Variants in LUZP2 observed in about 807,000 individuals in gnomAD.
LUZP2 encodes the protein leucine zipper protein 2.
LUZP2 carries 52 observed loss-of-function variants against 51.6 expected under a neutral mutation model. The ratio of observed to expected loss-of-function variants is 1.01; its 90% CI spans 0.81 to 1.27. The LOEUF is 1.27. Among genes scored for constraint, LUZP2 ranks in the 50% most tolerant of loss-of-function variants. LUZP2 has a pLI of 0.00. For synonymous variants in LUZP2, 154 were observed against 137.3 expected (o/e 1.12, Z -0.85); for missense variants, 436 against 395.4 (o/e 1.10, Z -0.87).
chr11:24,891,343 TACTG>T lies in LUZP2; in HGVS notation c.397-14645_397-14642del, dbSNP rs912664660. ...TCACAAACATATGGAGATATATACA[TACTG>T]ACATGTACATATACACATACACATA... is the stretch of plus-strand genomic sequence containing the variant. On this transcript the variant is annotated intron_variant, in intron 5 of 11. Transcript: ENST00000336930. 4.4e-6 allele frequency: 4 copies of T among 913,158 alleles called. No homozygotes were observed. In the African/African-American group the frequency reaches 7.2e-5, roughly 16 times the overall value. The allele number at this position is 913,158 out of a possible 1,614,324, so 56.6% of individuals were successfully genotyped here. A position where few individuals can be genotyped will look rare whatever the true frequency, so the allele number is the denominator to read the frequency against.
chr11:24,738,200 C>T (rs2133983236), intron 3 of LUZP2, 21 bp from the exon 4 acceptor site: 1 of 1,489,324 alleles, frequency 6.7e-7, no homozygotes, highest in Non-Finnish European at 9.3e-7. Flanking sequence ...CTCACTTATG[C>T]TCTGTTTTCT....
intron 1 of LUZP2, among the ~76,000 whole-genome samples, chr11:24,541,039 G>A (rs1851344360): frequency 1.3e-5 from 2 of 152,012 alleles, no homozygotes; most frequent in African/African-American, 4.8e-5. Context: ...GATCACCTGA[G>A]GCCAGGAGTT....
chr11:24,574,097 C>T (rs1003832096), intron 1 of LUZP2, among the ~76,000 whole-genome samples: 1 of 151,048 alleles, frequency 6.6e-6, no homozygotes, highest in Non-Finnish European at 1.5e-5. Flanking sequence ...TCCTTCCTCC[C>T]TCCTTTGTTT....
chr11:24,715,070 T>G (rs2631439), intron 1 of LUZP2, among the ~76,000 whole-genome samples: 1 of 152,004 alleles, frequency 6.6e-6, no homozygotes, highest in African/African-American at 2.4e-5. Flanking sequence ...TAACTGACAT[T>G]TACTTACCTC....
intron 1 of LUZP2, among the ~76,000 whole-genome samples, chr11:24,592,618 C>A (rs1023980583): frequency 6.6e-6 from 1 of 151,838 alleles, no homozygotes; most frequent in African/African-American, 2.4e-5. Context: ...GAATGCTGAA[C>A]CCTAATGTGA....
At chr11:24,952,290 AT>A (rs1274274394) in intron 7 of LUZP2, among the ~76,000 whole-genome samples, 1 of 151,700 alleles carries the variant, frequency 6.6e-6, no homozygotes, top group Admixed American at 6.6e-5. Context: ...TTCAATTAAC[AT>A]TTTTTAGAGA....
intron 1 of LUZP2, among the ~76,000 whole-genome samples, chr11:24,696,166 T>G (rs1271339558): frequency 6.6e-6 from 1 of 152,068 alleles, no homozygotes; most frequent in Non-Finnish European, 1.5e-5. Flanking sequence ...GCCAGTGTCT[T>G]GCCAGATATG....
At chr11:25,058,161 A>AT (rs963064182) in intron 10 of LUZP2, among the ~76,000 whole-genome samples, 8 of 151,970 alleles carry the variant, frequency 5.3e-5, no homozygotes, top group African/African-American at 1.9e-4. Context: ...CTACTGTGGT[A>AT]TTTTTTTCAA....
intron 9 of LUZP2, among the ~76,000 whole-genome samples, chr11:25,021,942 G>A (rs1332562687): frequency 6.6e-6 from 1 of 152,008 alleles, no homozygotes; most frequent in African/African-American, 2.4e-5. Flanking sequence ...AGACACTCAT[G>A]TCTTCCACTC....
chr11:24,601,642 A>G (rs1205728703), intron 1 of LUZP2, among the ~76,000 whole-genome samples: 1 of 151,674 alleles, frequency 6.6e-6, no homozygotes, highest in Non-Finnish European at 1.5e-5. Flanking sequence ...AATATATTTT[A>G]TGGAAACACT....
intron 7 of LUZP2, among the ~76,000 whole-genome samples, chr11:24,952,169 G>T (rs1855096693): frequency 6.6e-6 from 1 of 151,588 alleles, no homozygotes; most frequent in Admixed American, 6.6e-5. Context: ...TTCTTTAATT[G>T]TAATATAAAT....
intron 1 of LUZP2, among the ~76,000 whole-genome samples, chr11:24,554,701 A>ATTTTTTTTTTT (rs397747044): frequency 1.5e-5 from 2 of 133,488 alleles, no homozygotes; most frequent in South Asian, 2.3e-4. Context: ...TGGTTATTTA[A>ATTTTTTTTTTT]TTTTTTTTTT....
intron 1 of LUZP2, among the ~76,000 whole-genome samples, chr11:24,648,875 G>A (rs980904306): frequency 3.9e-5 from 6 of 151,910 alleles, no homozygotes; most frequent in South Asian, 4.1e-4. Flanking sequence ...GGCAAAACCC[G>A]CAATTACTTT....
chr11:24,898,870 T>A (rs1318398230), intron 5 of LUZP2, among the ~76,000 whole-genome samples: 6 of 151,878 alleles, frequency 4.0e-5, no homozygotes, highest in Non-Finnish European at 8.8e-5. Flanking sequence ...TACAGTGTTC[T>A]ATTAGATGGG....
chr11:24,826,802 A>G (rs1287002078), intron 5 of LUZP2, among the ~76,000 whole-genome samples: 4 of 152,150 alleles, frequency 2.6e-5, no homozygotes, highest in Non-Finnish European at 5.9e-5. Flanking sequence ...TGAAAAGTTT[A>G]CCTTGTTTAT....
intron 5 of LUZP2, among the ~76,000 whole-genome samples, chr11:24,783,514 C>T (rs1849151827): frequency 6.6e-6 from 1 of 151,880 alleles, no homozygotes; most frequent in South Asian, 2.1e-4. Context: ...ACTGTTTCTT[C>T]CAAGTAAGGT....
At chr11:24,896,228 C>T (rs111261234) in intron 5 of LUZP2, among the ~76,000 whole-genome samples, 29 of 152,320 alleles carry the variant, frequency 1.9e-4, no homozygotes, top group African/African-American at 6.7e-4. Flanking sequence ...ACTGTGGGGG[C>T]CCCTCTGTGG....
At chr11:24,592,773 C>G (rs972839187) in intron 1 of LUZP2, among the ~76,000 whole-genome samples, 2 of 151,482 alleles carry the variant, frequency 1.3e-5, no homozygotes, top group Non-Finnish European at 2.9e-5. Context: ...GAAGGTATTA[C>G]CTAATGTTAG....
chr11:24,811,551 A>G (rs1023006950), intron 5 of LUZP2, among the ~76,000 whole-genome samples: 1 of 151,710 alleles, frequency 6.6e-6, no homozygotes, highest in African/African-American at 2.4e-5. Context: ...TGTTACATAG[A>G]TAAATTATGT....
Sources: allele counts gnomAD v4.1 joint callset (sites outside exome capture counted in the v4.1 genomes callset), GRCh38; gene constraint gnomAD v4.1.1; transcripts MANE v1.5; gene names NCBI Gene and HGNC (gene_info 2026-07-23, HGNC 2026-07-21).